The following ATF6 variants were observed in gnomAD, a reference collection of about 807,000 sequenced individuals.
ATF6 encodes activating transcription factor 6.
ATF6 carries 53 observed loss-of-function variants against 83.6 expected under a neutral mutation model. The ratio of observed to expected loss-of-function variants is 0.63; its 90% confidence interval spans 0.51 to 0.80. The LOEUF is 0.80. Among genes scored for constraint, ATF6 ranks in the 30% least tolerant of loss-of-function variants. The pLI, the probability that ATF6 is intolerant of heterozygous loss-of-function variation, is 0.00. For synonymous variants in ATF6, 288 were observed against 285.8 expected (o/e 1.01, Z -0.08); for missense variants, 744 against 797.9 (o/e 0.93, Z 0.81).
chr1:161,901,603 G>T (rs1235433461), intron 14 of ATF6, among the ~76,000 whole-genome samples: 2 of 151,880 alleles, frequency 1.3e-5, no homozygotes, highest in East Asian at 3.9e-4. Flanking sequence ...TCTGTATTCA[G>T]TCTGTTGCAA....
chr1:161,925,132 C>T (rs527854320), intron 15 of ATF6, among the ~76,000 whole-genome samples: 38 of 152,280 alleles, frequency 2.5e-4, no homozygotes, highest in African/African-American at 8.2e-4. Context: ...CAAGACCTTC[C>T]GGTTTTTGGA....
At chr1:161,929,852 TA>T (rs1688395533) in intron 15 of ATF6, among the ~76,000 whole-genome samples, 1 of 152,244 alleles carries the variant, frequency 6.6e-6, no homozygotes, top group Non-Finnish European at 1.5e-5. Context: ...CTAAAGAATG[TA>T]GCCTCTACTT....
At chr1:161,924,201 A>G (rs976373609) in intron 15 of ATF6, among the ~76,000 whole-genome samples, 3 of 152,170 alleles carry the variant, frequency 2.0e-5, no homozygotes, top group Non-Finnish European at 4.4e-5. Context: ...ATTGGGGATC[A>G]TAACTTTCTG....
At chr1:161,947,522 G>C (rs1383978425) in intron 15 of ATF6, among the ~76,000 whole-genome samples, 1 of 152,138 alleles carries the variant, frequency 6.6e-6, no homozygotes. Flanking sequence ...TTTAATGAGA[G>C]TCTTTGTCAC....
chr1:161,787,302 G>T (rs1684766794), intron 4 of ATF6, among the ~76,000 whole-genome samples: 1 of 152,162 alleles, frequency 6.6e-6, no homozygotes. Context: ...GTTAATATCT[G>T]TATGGATTCA....
intron 15 of ATF6, among the ~76,000 whole-genome samples, chr1:161,942,596 A>G (rs1303240185): frequency 6.6e-6 from 1 of 152,232 alleles, no homozygotes; most frequent in Non-Finnish European, 1.5e-5. Context: ...CCCATTTCAT[A>G]TCACTTGACA....
intron 14 of ATF6, among the ~76,000 whole-genome samples, 196 bp from the exon 15 acceptor site, chr1:161,912,100 A>T (rs1688002842): frequency 6.6e-6 from 1 of 152,206 alleles, no homozygotes; most frequent in African/African-American, 2.4e-5. Flanking sequence ...ACAACGGTAG[A>T]CACTCTGTAA....
At chr1:161,794,824 A>G (rs1421237931) in intron 6 of ATF6, among the ~76,000 whole-genome samples, 1 of 151,890 alleles carries the variant, frequency 6.6e-6, no homozygotes, top group Non-Finnish European at 1.5e-5. Context: ...GATGAGAGAT[A>G]ATGAAAGCCT....
At chr1:161,867,060 C>T (rs1198566116) in intron 14 of ATF6, among the ~76,000 whole-genome samples, 6 of 152,048 alleles carry the variant, frequency 3.9e-5, no homozygotes, top group African/African-American at 1.2e-4. Flanking sequence ...GTTGGGAGGC[C>T]GAGGCGGGTG....
At chr1:161,784,544 T>C (rs755616236) in intron 4 of ATF6, among the ~76,000 whole-genome samples, 9 of 152,188 alleles carry the variant, frequency 5.9e-5, no homozygotes, top group Non-Finnish European at 1.2e-4. Flanking sequence ...GGGCTCACGT[T>C]TTTATAGAAG....
intron 15 of ATF6, among the ~76,000 whole-genome samples, chr1:161,915,266 A>C (rs778671749): frequency 2.0e-5 from 3 of 152,222 alleles, no homozygotes; most frequent in Non-Finnish European, 4.4e-5. Context: ...CAGCTTTGCT[A>C]CTTGCTGGAT....
At chr1:161,856,619 A>G (rs1686769530) in intron 12 of ATF6, among the ~76,000 whole-genome samples, 1 of 152,220 alleles carries the variant, frequency 6.6e-6, no homozygotes, top group Non-Finnish European at 1.5e-5. Context: ...TACACAGAGG[A>G]AGAGCACAGG....
intron 7 of ATF6, among the ~76,000 whole-genome samples, chr1:161,802,831 G>T (rs897381357): frequency 6.6e-6 from 1 of 152,102 alleles, no homozygotes; most frequent in Non-Finnish European, 1.5e-5. Context: ...ATGTTGTAGG[G>T]ATTTCTTATA....
chr1:161,874,620 G>A (rs1025340994), intron 14 of ATF6, among the ~76,000 whole-genome samples: 17 of 151,566 alleles, frequency 1.1e-4, no homozygotes, highest in African/African-American at 3.9e-4. Context: ...TGTTAAGAAT[G>A]AGTCTGTCTT....
At chr1:161,930,631 A>G (rs1688412233) in intron 15 of ATF6, among the ~76,000 whole-genome samples, 1 of 152,214 alleles carries the variant, frequency 6.6e-6, no homozygotes, top group Admixed American at 6.5e-5. Context: ...GTACATTTAA[A>G]GTAAACCAAA....
At chr1:161,872,744 A>G (rs982332502) in intron 14 of ATF6, among the ~76,000 whole-genome samples, 1 of 151,574 alleles carries the variant, frequency 6.6e-6, no homozygotes, top group African/African-American at 2.4e-5. Flanking sequence ...CATTTATTGT[A>G]GAGTAATCAG....
intron 1 of ATF6, among the ~76,000 whole-genome samples, chr1:161,771,334 C>G (rs1231798685): frequency 6.6e-6 from 1 of 152,166 alleles, no homozygotes. Context: ...TGTCTTCAGT[C>G]TCTTCTGTGA....
At chr1:161,834,234 C>T (rs1468642942) in intron 9 of ATF6, among the ~76,000 whole-genome samples, 1 of 152,034 alleles carries the variant, frequency 6.6e-6, no homozygotes, top group African/African-American at 2.4e-5. Context: ...CCAGGCCTGC[C>T]CTACAAGAGC....
At chr1:161,861,608 T>C (rs1686887771) in intron 13 of ATF6, among the ~76,000 whole-genome samples, 1 of 152,160 alleles carries the variant, frequency 6.6e-6, no homozygotes, top group Admixed American at 6.5e-5. Context: ...TACAGCCAAT[T>C]TTCATTATTT....
Sources: allele counts gnomAD v4.1 joint callset (sites outside exome capture counted in the v4.1 genomes callset), GRCh38; gene constraint gnomAD v4.1.1; transcripts MANE v1.5; gene names NCBI Gene and HGNC (gene_info 2026-07-23, HGNC 2026-07-21).